The following POU2F1 variants were observed in gnomAD, a reference collection of about 807,000 sequenced individuals.
POU2F1 encodes POU class 2 homeobox 1.
Under a neutral mutation model 84.9 loss-of-function variants are expected in POU2F1, and 16 were observed. The ratio of observed to expected loss-of-function variants is 0.19; its 90% CI spans 0.13 to 0.29. The LOEUF (loss-of-function observed/expected upper bound fraction) is 0.29. Among genes scored for constraint, POU2F1 ranks in the 10% least tolerant of loss-of-function variants. The pLI is 1.00. For synonymous variants in POU2F1, 368 were observed against 368.3 expected (o/e 1.00, Z 0.01); for missense variants, 738 against 942.6 (o/e 0.78, Z 2.84).
chr1:167,343,015 A>G (rs953463007), intron 2 of POU2F1, among the ~76,000 whole-genome samples: 1 of 152,164 alleles, frequency 6.6e-6, no homozygotes, highest in African/African-American at 2.4e-5. Context: ...TGTAGGAAAG[A>G]TAGACCTCCC....
chr1:167,245,417 T>C (rs543571865), intron 1 of POU2F1, among the ~76,000 whole-genome samples: 32 of 150,780 alleles, frequency 2.1e-4, no homozygotes, highest in African/African-American at 7.8e-4. Context: ...GCTAATTTTT[T>C]TTTTTTTTTT....
At chr1:167,319,076 G>T in intron 1 of POU2F1, 1 of 153,396 alleles carries the variant, frequency 6.5e-6, no homozygotes, top group South Asian at 1.8e-4. Context: ...TGTATTTGAC[G>T]GGTGTTGCTC....
At chr1:167,366,226 T>G (rs1247161607) in intron 3 of POU2F1, among the ~76,000 whole-genome samples, 1 of 152,178 alleles carries the variant, frequency 6.6e-6, no homozygotes, top group East Asian at 1.9e-4. Flanking sequence ...TGGAAAACAG[T>G]GAAAACAGTT....
chr1:167,264,851 C>T (rs562316726), intron 1 of POU2F1, among the ~76,000 whole-genome samples: 2 of 152,290 alleles, frequency 1.3e-5, no homozygotes, highest in South Asian at 4.1e-4. Context: ...CAGATCTTCC[C>T]ACGGTTTCCC....
Position 167,419,980 on chromosome 1 carries a change from T to C in POU2F1, c.*4170T>C, listed in dbSNP as rs1650545240. The C allele has an allele frequency of 6.6e-6, 1 of 152,228 alleles. No homozygotes were observed. Among genetic ancestry groups the C allele is most frequent in the Admixed American group, 6.5e-5 (1 of 15,290 alleles). 9.4% of individuals were successfully genotyped at this position (152,228 alleles called of 1,614,324 possible). A position where few individuals can be genotyped will look rare whatever the true frequency, so the allele number is the denominator to read the frequency against. ...AAAAAAAAGCACAACTATACCTCTT[T>C]AATGTTATTTTCTTCCATTATCCCT... is the stretch of plus-strand genomic sequence containing the variant. On this transcript the variant is annotated 3_prime_UTR_variant, in exon 16 of 16. Transcript: ENST00000367866.
At chr1:167,339,451 TGAA>T (rs1460213259) in intron 2 of POU2F1, among the ~76,000 whole-genome samples, 13 of 152,222 alleles carry the variant, frequency 8.5e-5, no homozygotes, top group African/African-American at 3.1e-4. Flanking sequence ...AGAAGTTGTT[TGAA>T]GTTTTACAAG....
intron 1 of POU2F1, among the ~76,000 whole-genome samples, chr1:167,242,533 A>T (rs970755234): frequency 6.6e-6 from 1 of 152,238 alleles, no homozygotes; most frequent in Non-Finnish European, 1.5e-5. Flanking sequence ...AGCACATCTC[A>T]CAGGATGATC....
intron 1 of POU2F1, among the ~76,000 whole-genome samples, chr1:167,259,873 T>C (rs1651422355): frequency 6.6e-6 from 1 of 152,070 alleles, no homozygotes; most frequent in Non-Finnish European, 1.5e-5. Flanking sequence ...TGCTTATTGA[T>C]CATTGCGTTT....
intron 1 of POU2F1, among the ~76,000 whole-genome samples, chr1:167,285,834 C>T (rs1038477968): frequency 6.6e-6 from 1 of 151,988 alleles, no homozygotes; most frequent in Non-Finnish European, 1.5e-5. Flanking sequence ...AAGGTTGTTC[C>T]GAGTAAGCTT....
In POU2F1 at chr1:167,425,693, G is replaced by A. The variant is rs34539671; in HGVS notation, c.*9883G>A. ...AGTGGGGGACGTTGAAGACACTGGCGCACGATTGGCTGCTCTGCTGGGTGC... is the reference window on the plus strand; with the variant it reads ...AGTGGGGGACGTTGAAGACACTGGCACACGATTGGCTGCTCTGCTGGGTGC... On this transcript the variant is annotated 3_prime_UTR_variant, in exon 16 of 16. Transcript: ENST00000367866. 2,229 of 152,626 alleles carry A rather than the reference G, an allele frequency of 0.015. 22 individuals are homozygous for A. Among genetic ancestry groups the A allele is most frequent in the South Asian group, 0.025 (120 of 4,836 alleles). 9.5% of individuals were successfully genotyped at this position (152,626 alleles called of 1,614,324 possible). A position where few individuals can be genotyped will look rare whatever the true frequency, so the allele number is the denominator to read the frequency against.
Position 167,415,577 on chromosome 1 carries a change from G to A in POU2F1, c.2068G>A (p.Ala690Thr), listed in dbSNP as rs1205696398. 3.7e-6 allele frequency: 6 copies of A among 1,614,030 alleles called. No individual in the cohort carries two copies. The highest frequency in any genetic ancestry group is 1.3e-5 in the African/African-American group (1 of 74,896). Residue 690 changes from alanine (A) to threonine (T), a missense_variant, in exon 16 of 16, where the codon GCC becomes ACC. By Grantham distance (58) the Ala-to-Thr change is moderately conservative. This residue lies in a region of POU2F1 where 319 missense variants were observed against 386.0 expected (regional missense o/e 0.83). Transcript: ENST00000367866. ...CCTGGTATTTGCCAATGCGGGAGGA[G>A]CCCCCAACATCGTGACTGCCCCTCT... The part of the protein sequence containing the change: ...GNLVFANAGG[A>T]PNIVTAPLFL...
intron 13 of POU2F1, among the ~76,000 whole-genome samples, chr1:167,405,269 CT>C (rs113337673): frequency 3.3e-5 from 5 of 152,044 alleles, no homozygotes; most frequent in African/African-American, 1.2e-4. Flanking sequence ...ATATAGCCAC[CT>C]TAACAACAAA....
At chr1:167,222,123 C>T (rs984311806) in intron 1 of POU2F1, among the ~76,000 whole-genome samples, 1 of 152,130 alleles carries the variant, frequency 6.6e-6, no homozygotes, top group African/African-American at 2.4e-5. Context: ...AGAGGCCTCC[C>T]GAGAACTTGG....
chr1:167,221,183 G>A (rs912834922), intron 1 of POU2F1, among the ~76,000 whole-genome samples: 2 of 151,526 alleles, frequency 1.3e-5, no homozygotes, highest in African/African-American at 4.8e-5. Context: ...AGGGGGCTGC[G>A]ATCCACTGCC....
At chr1:167,315,464 T>C (rs1395919080) in intron 1 of POU2F1, among the ~76,000 whole-genome samples, 1 of 152,070 alleles carries the variant, frequency 6.6e-6, no homozygotes, top group African/African-American at 2.4e-5. Context: ...AGTCCCTCAA[T>C]AAGTAAATGC....
chr1:167,385,150 G>A (rs372709383), intron 8 of POU2F1, among the ~76,000 whole-genome samples: 1 of 152,098 alleles, frequency 6.6e-6, no homozygotes, highest in South Asian at 2.1e-4. Context: ...TAGTTCTATA[G>A]TTGAAAACTA....
intron 1 of POU2F1, among the ~76,000 whole-genome samples, chr1:167,274,089 C>G (rs1460001026): frequency 6.6e-6 from 1 of 152,096 alleles, no homozygotes; most frequent in Non-Finnish European, 1.5e-5. Flanking sequence ...TTTCTTATTC[C>G]TTATAATAGT....
intron 1 of POU2F1, among the ~76,000 whole-genome samples, chr1:167,290,274 A>C (rs778687127): frequency 3.3e-5 from 5 of 152,070 alleles, no homozygotes; most frequent in Non-Finnish European, 5.9e-5. Context: ...GTGTGCGCCT[A>C]TAGTCCCATG....
intron 2 of POU2F1, chr1:167,338,393 T>C (rs1657610918): frequency 2.8e-6 from 1 of 359,626 alleles, no homozygotes; most frequent in Non-Finnish European, 5.4e-6. Context: ...CAGTAGGCTA[T>C]TAGTATTTGA....
Sources: allele counts gnomAD v4.1 joint callset (sites outside exome capture counted in the v4.1 genomes callset), GRCh38; gene constraint gnomAD v4.1.1; regional missense constraint gnomAD v4.1.1; transcripts MANE v1.5; gene names NCBI Gene and HGNC (gene_info 2026-07-23, HGNC 2026-07-21).